Variants in RBMS2 observed in about 807,000 individuals in gnomAD.
The protein encoded by RBMS2 is RNA binding motif single stranded interacting protein 2.
A neutral mutation model predicts 58.4 loss-of-function variants in RBMS2; 38 were observed. The ratio of observed to expected loss-of-function variants is 0.65; its 90% CI spans 0.50 to 0.85. The LOEUF (loss-of-function observed/expected upper bound fraction) is 0.85, where lower values mean the gene tolerates loss of function less well. Ranked by LOEUF, RBMS2 falls within the 40% of genes least tolerant of loss-of-function variation. The pLI, the probability that RBMS2 is intolerant of heterozygous loss-of-function variation, is 0.00. For synonymous variants in RBMS2, 151 were observed against 180.7 expected, an observed-to-expected ratio of 0.84 and a Z score of 1.32; for missense variants, 367 against 503.7, an observed-to-expected ratio of 0.73 and a Z score of 2.60.
rs188301115 is a variant in RBMS2 at position 56,524,960 on chromosome 12, A to G, written c.66+2871A>G. On this transcript the variant is annotated intron_variant, in intron 1 of 13. Transcript: ENST00000262031. ...TGGTCTTGAACTCCTGACCTCAGGT[A>G]ATCTGCCTGCCTCGGCCTCCCAAAG... Among the ~76,000 whole-genome samples, 18 of 151,872 alleles carry G rather than the reference A, an allele frequency of 1.2e-4. 1 individual carries two copies. The highest frequency in any genetic ancestry group is 4.3e-4 in the African/African-American group (18 of 41,418).
At chr12:56,545,272 C>T (rs1876951666) in intron 1 of RBMS2, among the ~76,000 whole-genome samples, 1 of 152,110 alleles carries the variant, frequency 6.6e-6, no homozygotes, top group African/African-American at 2.4e-5. Context: ...GAGTAGTATT[C>T]CATGGTGTAT....
At position 56,537,780 on chromosome 12, in the gene RBMS2, T is replaced by C. The variant is rs1181289141; in HGVS notation, c.66+15691T>C. On this transcript the variant is annotated intron_variant, in intron 1 of 13. Transcript: ENST00000262031. Reference sequence around the variant, plus strand: ...TTTTTAACTTTTTCAGGAACCACTGTCCTGTTTTCAACACTGCACAAGGGT... The same window carrying C: ...TTTTTAACTTTTTCAGGAACCACTGCCCTGTTTTCAACACTGCACAAGGGT... 5.9e-4 allele frequency among the ~76,000 whole-genome samples: 89 copies of C among 152,054 alleles called. 1 individual carries two copies. The highest frequency in any genetic ancestry group is 2.9e-5 in the Non-Finnish European group (2 of 68,020).
intron 1 of RBMS2, among the ~76,000 whole-genome samples, chr12:56,542,956 G>C (rs1876416096): frequency 6.6e-6 from 1 of 151,140 alleles, no homozygotes; most frequent in African/African-American, 2.4e-5. Flanking sequence ...CCCAGGCTGG[G>C]GTGCAATGAT....
intron 1 of RBMS2, among the ~76,000 whole-genome samples, chr12:56,525,641 A>G (rs1872538826): frequency 6.6e-6 from 1 of 151,440 alleles, no homozygotes; most frequent in African/African-American, 2.4e-5. Context: ...CTCCCACCTC[A>G]GCCAACTTTT....
intron 1 of RBMS2, among the ~76,000 whole-genome samples, chr12:56,554,004 T>C (rs1878788446): frequency 6.6e-6 from 1 of 152,018 alleles, no homozygotes; most frequent in Non-Finnish European, 1.5e-5. Flanking sequence ...TTTGTATTTT[T>C]AGTAGAGACA....
chr12:56,594,296 T>C lies in RBMS2; in HGVS notation c.*5163T>C, dbSNP rs894418600. ...TGCCTTGTGCACATGCCCCACCTTC[T>C]GGGCAAGTGGCAGCATTGCGCTCAT... On this transcript the variant is annotated 3_prime_UTR_variant, in exon 14 of 14. Coordinates refer to ENST00000262031, the MANE Select transcript of RBMS2 (RefSeq NM_002898.4). 6.6e-6 allele frequency: 1 copy of C among 152,222 alleles called. No homozygotes were observed. The highest frequency in any genetic ancestry group is 1.5e-5 in the Non-Finnish European group (1 of 68,040). The allele number at this position is 152,222 out of a possible 1,614,324, so 9.4% of individuals were successfully genotyped here.
Position 56,582,109 on chromosome 12 carries a change from C to T in RBMS2, c.830C>T (p.Ser277Phe), listed in dbSNP as rs1884042385. 1 of 1,613,480 alleles carries T rather than the reference C, an allele frequency of 6.2e-7. No homozygotes were observed. The highest frequency in any genetic ancestry group is 8.5e-7 in the Non-Finnish European group (1 of 1,179,454). ...ACCCCCAACAGGATGCTTGCTCAGTCTGCACTCTCCCCATACCTTTCCTCT... is the reference window on the plus strand; with the variant it reads ...ACCCCCAACAGGATGCTTGCTCAGTTTGCACTCTCCCCATACCTTTCCTCT... The part of the protein sequence containing the change: ...NITPNRMLAQ[S>F]ALSPYLSSPV... Residue 277 changes from serine to phenylalanine, a missense_variant, in exon 9 of 14, where the codon TCT becomes TTT. Transcript: ENST00000262031.
Position 56,589,406 on chromosome 12 carries a change from G to A in RBMS2, c.*273G>A. ...AAAAAAACTTTTCTTCTTTTGCAAA[G>A]AAAGCTTTTTGTTTTTAACTGCAAC... On this transcript the variant is annotated 3_prime_UTR_variant, in exon 14 of 14. Transcript: ENST00000262031. 1 of 889,304 alleles carries A rather than the reference G, an allele frequency of 1.1e-6. No individual in the cohort carries two copies. The highest frequency in any genetic ancestry group is 1.4e-6 in the Non-Finnish European group (1 of 694,090). The allele number at this position is 889,304 out of a possible 1,614,324, so 55.1% of individuals were successfully genotyped here.
upstream of RBMS2, among the ~76,000 whole-genome samples, chr12:56,521,384 C>T (rs954869692): frequency 2.0e-5 from 3 of 147,136 alleles, no homozygotes; most frequent in African/African-American, 7.6e-5. Flanking sequence ...TCCGGGATTG[C>T]ACCACTGCAC....
chr12:56,555,789 C>A (rs1879127532), intron 1 of RBMS2, among the ~76,000 whole-genome samples: 1 of 152,106 alleles, frequency 6.6e-6, no homozygotes, highest in African/African-American at 2.4e-5. Context: ...GGGGGTCTCA[C>A]CATGTTGCCC....
At chr12:56,581,104 A>G in intron 5 of RBMS2, 80 bp from the exon 6 acceptor site, 1 of 1,195,480 alleles carries the variant, frequency 8.4e-7, no homozygotes, top group East Asian at 2.3e-5. Context: ...CTGGGAACTT[A>G]GAGCTTTGCT....
chr12:56,538,627 G>T (rs1027578359), intron 1 of RBMS2, among the ~76,000 whole-genome samples: 2 of 151,162 alleles, frequency 1.3e-5, no homozygotes, highest in Non-Finnish European at 2.9e-5. Context: ...GATTACAGGC[G>T]CCTGCCACCA....
chr12:56,570,050 A>G (rs1000589414), intron 4 of RBMS2, 60 bp downstream of exon 4: 21 of 1,478,044 alleles, frequency 1.4e-5, no homozygotes, highest in Non-Finnish European at 1.9e-5. Context: ...CCAAAGTTCC[A>G]GTTCTAAGGT....
chr12:56,581,314 T>C (rs1197812207), intron 6 of RBMS2, 51 bp downstream of exon 6: 6 of 1,585,286 alleles, frequency 3.8e-6, no homozygotes, highest in Non-Finnish European at 5.2e-6. Flanking sequence ...TTACTTCCAG[T>C]GAAGATTCTG....
intron 5 of RBMS2, among the ~76,000 whole-genome samples, chr12:56,579,308 T>G (rs1883575590): frequency 6.6e-6 from 1 of 152,172 alleles, no homozygotes; most frequent in South Asian, 2.1e-4. Context: ...TGGTTTTCTC[T>G]AAAAGGCTCA....
intron 2 of RBMS2, among the ~76,000 whole-genome samples, chr12:56,567,846 A>AT (rs981556823): frequency 2.7e-5 from 4 of 150,094 alleles, no homozygotes; most frequent in Admixed American, 6.7e-5. Context: ...CACACACACA[A>AT]TTTTTTTTTT....
At chr12:56,567,398 A>G (rs1394815811) in intron 2 of RBMS2, among the ~76,000 whole-genome samples, 5 of 149,968 alleles carry the variant, frequency 3.3e-5, no homozygotes, top group Admixed American at 6.7e-5. Flanking sequence ...AAAAAAAAAA[A>G]GAAGAGGAAG....
chr12:56,584,482 T>G (rs999536792), intron 9 of RBMS2, among the ~76,000 whole-genome samples: 2 of 151,926 alleles, frequency 1.3e-5, no homozygotes, highest in Non-Finnish European at 2.9e-5. Context: ...ATTTGTCTTT[T>G]TCTTTTATAA....
In RBMS2 at chr12:56,571,767, G is replaced by C; in HGVS notation, c.454G>C (p.Glu152Gln). Residue 152 changes from glutamate to glutamine, a missense_variant, in exon 5 of 14, where the codon GAG (glutamate) becomes CAG (glutamine). Transcript: ENST00000262031. ...LPLSMDEQEL[E>Q]GMLKPFGQVI... ...ACTGTCAATGGATGAGCAGGAACTG[G>C]AGGGGATGCTGAAGCCCTTTGGCCA... 1 of 1,603,540 alleles carries C rather than the reference G, an allele frequency of 6.2e-7. No homozygotes were observed.
Sources: allele counts gnomAD v4.1 joint callset (sites outside exome capture counted in the v4.1 genomes callset), GRCh38; gene constraint gnomAD v4.1.1; transcripts MANE v1.5; gene names NCBI Gene and HGNC (gene_info 2026-07-23, HGNC 2026-07-21).